Variants in GRID2 observed in about 807,000 individuals in gnomAD.
GRID2 encodes the protein glutamate receptor ionotropic, delta-2.
GRID2 carries 33 observed loss-of-function variants against 114.8 expected under a neutral mutation model. That is an observed-to-expected ratio of 0.29 (90% CI 0.22 to 0.38). The LOEUF is 0.38. Ranked by LOEUF, GRID2 falls within the 10% of genes least tolerant of loss-of-function variation. The pLI, the probability that GRID2 is intolerant of heterozygous loss-of-function variation, is 1.00. For synonymous variants in GRID2, 505 were observed against 449.9 expected, an observed-to-expected ratio of 1.12 and a Z score of -1.55; for missense variants, 1,184 against 1,257.7, an observed-to-expected ratio of 0.94 and a Z score of 0.89.
intron 2 of GRID2, among the ~76,000 whole-genome samples, chr4:92,660,212 A>G (rs896360597): frequency 2.0e-5 from 3 of 151,310 alleles, no homozygotes; most frequent in Non-Finnish European, 4.4e-5. Context: ...TTCAAAAGTG[A>G]TGTGTTTTAT....
intron 1 of GRID2, among the ~76,000 whole-genome samples, chr4:92,399,317 T>C (rs1730662400): frequency 6.6e-6 from 1 of 152,218 alleles, no homozygotes; most frequent in South Asian, 2.1e-4. Context: ...GTTGAGCTCA[T>C]AGTCCGAGAT....
At chr4:92,581,820 G>A (rs1184897690) in intron 1 of GRID2, among the ~76,000 whole-genome samples, 3 of 152,056 alleles carry the variant, frequency 2.0e-5, no homozygotes, top group African/African-American at 7.2e-5. Flanking sequence ...CTAGCTAAAT[G>A]TAAATTACAA....
At chr4:93,110,261 T>C (rs1224553539) in intron 3 of GRID2, among the ~76,000 whole-genome samples, 1 of 152,194 alleles carries the variant, frequency 6.6e-6, no homozygotes, top group Non-Finnish European at 1.5e-5. Context: ...TGAAACTTTC[T>C]GTTTAACTGA....
intron 4 of GRID2, among the ~76,000 whole-genome samples, chr4:93,156,392 T>C (rs1218080236): frequency 6.6e-6 from 1 of 151,600 alleles, no homozygotes; most frequent in Non-Finnish European, 1.5e-5. Flanking sequence ...TCAGGCAGCA[T>C]AGTGTTGGAA....
At chr4:93,265,073 G>C (rs772834165) in intron 8 of GRID2, among the ~76,000 whole-genome samples, 1 of 151,864 alleles carries the variant, frequency 6.6e-6, no homozygotes, top group Non-Finnish European at 1.5e-5. Flanking sequence ...GAGCCACCGC[G>C]CCTGGCCTAA....
At chr4:93,472,651 G>A (rs1190016215) in intron 11 of GRID2, among the ~76,000 whole-genome samples, 1 of 152,158 alleles carries the variant, frequency 6.6e-6, no homozygotes, top group Non-Finnish European at 1.5e-5. Context: ...TGGAACAAAG[G>A]TTGGAGATAA....
At chr4:93,260,359 C>CCTAAA (rs1750119833) in intron 8 of GRID2, among the ~76,000 whole-genome samples, 1 of 149,378 alleles carries the variant, frequency 6.7e-6, no homozygotes, top group African/African-American at 2.5e-5. Context: ...AGGCACATTG[C>CCTAAA]GTACATTTTT....
chr4:93,670,455 ACATCT>A (rs1724313623), intron 14 of GRID2, among the ~76,000 whole-genome samples: 1 of 152,212 alleles, frequency 6.6e-6, no homozygotes, highest in South Asian at 2.1e-4. Context: ...AAGCCTATTC[ACATCT>A]CATACAAGAT....
At chr4:93,129,611 A>G (rs944814483) in intron 4 of GRID2, among the ~76,000 whole-genome samples, 4 of 152,144 alleles carry the variant, frequency 2.6e-5, no homozygotes, top group African/African-American at 4.8e-5. Context: ...TTGCAACCCA[A>G]CAACACTCCC....
intron 2 of GRID2, among the ~76,000 whole-genome samples, chr4:92,653,881 C>G (rs1433542890): frequency 6.6e-6 from 1 of 152,078 alleles, no homozygotes; most frequent in Non-Finnish European, 1.5e-5. Context: ...TTCTTGAATA[C>G]TTTTTGGCTA....
intron 1 of GRID2, 123 bp from the exon 2 acceptor site, chr4:92,590,008 T>G: frequency 1.6e-6 from 1 of 638,970 alleles, no homozygotes; most frequent in Non-Finnish European, 2.7e-6. Context: ...CATTAATAAA[T>G]AAAGTGCATG....
At chr4:93,150,796 T>C (rs761108851) in intron 4 of GRID2, among the ~76,000 whole-genome samples, 1 of 151,982 alleles carries the variant, frequency 6.6e-6, no homozygotes, top group South Asian at 2.1e-4. Flanking sequence ...GTCTAGGGCA[T>C]GTAGAAACTC....
intron 2 of GRID2, among the ~76,000 whole-genome samples, chr4:92,954,549 C>T (rs1005651700): frequency 1.3e-5 from 2 of 151,968 alleles, no homozygotes; most frequent in Admixed American, 1.3e-4. Context: ...GCCTCAGCCT[C>T]CCAAGTAGCT....
chr4:92,813,941 C>G (rs749874000), intron 2 of GRID2, among the ~76,000 whole-genome samples: 6 of 152,114 alleles, frequency 3.9e-5, no homozygotes, highest in Non-Finnish European at 5.9e-5. Context: ...CCTGCCAGTT[C>G]TCTGTTCCTA....
At chr4:93,392,875 A>G (rs1180709926) in intron 8 of GRID2, among the ~76,000 whole-genome samples, 1 of 152,066 alleles carries the variant, frequency 6.6e-6, no homozygotes, top group East Asian at 1.9e-4. Context: ...CTCTTAGTAT[A>G]TATGTGATCT....
chr4:92,832,816 CTATT>C (rs917879182), intron 2 of GRID2, among the ~76,000 whole-genome samples: 3 of 152,060 alleles, frequency 2.0e-5, no homozygotes, highest in African/African-American at 4.8e-5. Flanking sequence ...AAAATGAAAT[CTATT>C]TAGTCCTGTT....
chr4:92,497,499 T>A (rs1445954607), intron 1 of GRID2, among the ~76,000 whole-genome samples: 2 of 151,888 alleles, frequency 1.3e-5, no homozygotes, highest in Non-Finnish European at 2.9e-5. Flanking sequence ...TTTAGTATAT[T>A]AGCCTATAAT....
chr4:92,995,174 G>A (rs1289101882), intron 2 of GRID2, among the ~76,000 whole-genome samples: 1 of 152,062 alleles, frequency 6.6e-6, no homozygotes, highest in African/African-American at 2.4e-5. Flanking sequence ...CCTTCTCAGT[G>A]TATACAAATT....
chr4:92,701,555 TAAGG>T (rs1169901698), intron 2 of GRID2, among the ~76,000 whole-genome samples: 1 of 152,156 alleles, frequency 6.6e-6, no homozygotes, highest in African/African-American at 2.4e-5. Context: ...GCCACGATGA[TAAGG>T]AAGAACTTTT....
Sources: allele counts gnomAD v4.1 joint callset (sites outside exome capture counted in the v4.1 genomes callset), GRCh38; gene constraint gnomAD v4.1.1; transcripts MANE v1.5; gene names NCBI Gene and HGNC (gene_info 2026-07-23, HGNC 2026-07-21).